DAB1: variants seen among roughly 807,000 people sequenced by gnomAD.
The protein encoded by DAB1 is disabled homolog 1.
DAB1 carries 15 observed loss-of-function variants against 64.6 expected under a neutral mutation model. The observed-to-expected ratio is 0.23, with a 90% CI of 0.16 to 0.36. The LOEUF is 0.36. Ranked by LOEUF, DAB1 falls within the 10% of genes least tolerant of loss-of-function variation. The pLI, the probability that DAB1 is intolerant of heterozygous loss-of-function variation, is 1.00. For missense variants in DAB1, 596 were observed against 706.7 expected (o/e 0.84, Z 1.78); for synonymous variants, 235 against 251.9 (o/e 0.93, Z 0.64).
intron 1 of DAB1, among the ~76,000 whole-genome samples, chr1:58,536,252 T>A (rs1646515316): frequency 6.6e-6 from 1 of 152,116 alleles, no homozygotes; most frequent in South Asian, 2.1e-4. Flanking sequence ...CCAGTCTGGA[T>A]AATCAAGGAA....
At chr1:58,063,246 G>A (rs1648618399) in intron 5 of DAB1, among the ~76,000 whole-genome samples, 1 of 152,148 alleles carries the variant, frequency 6.6e-6, no homozygotes, top group Non-Finnish European at 1.5e-5. Flanking sequence ...GTAAATAACA[G>A]AATGTTAAAA....
At chr1:57,540,630 AATCCTGTCATTTGCAT>A (rs925345776) in intron 7 of DAB1, among the ~76,000 whole-genome samples, 2 of 152,220 alleles carry the variant, frequency 1.3e-5, no homozygotes, top group African/African-American at 4.8e-5. Flanking sequence ...AAAAGAATAA[AATCCTGTCATTTGCAT>A]ATCCTGTCAT....
intron 3 of DAB1, among the ~76,000 whole-genome samples, chr1:58,415,179 T>A (rs1268648123): frequency 6.6e-6 from 1 of 152,062 alleles, no homozygotes; most frequent in Non-Finnish European, 1.5e-5. Context: ...GCATGCACCA[T>A]GTGAGAACAT....
intron 4 of DAB1, among the ~76,000 whole-genome samples, chr1:58,293,803 C>G (rs1339622020): frequency 6.6e-6 from 1 of 152,178 alleles, no homozygotes; most frequent in African/African-American, 2.4e-5. Context: ...CTTAGAAAGA[C>G]CCAAGACAAA....
At chr1:57,780,254 C>T (rs1018561062) in intron 6 of DAB1, among the ~76,000 whole-genome samples, 1 of 152,002 alleles carries the variant, frequency 6.6e-6, no homozygotes, top group African/African-American at 2.4e-5. Context: ...GTGTGCCATT[C>T]TTAACTATAC....
At chr1:58,288,566 T>G (rs1007162041) in intron 4 of DAB1, among the ~76,000 whole-genome samples, 1 of 152,234 alleles carries the variant, frequency 6.6e-6, no homozygotes, top group South Asian at 2.1e-4. Flanking sequence ...CCCAGCCATA[T>G]GTACACAGTC....
intron 3 of DAB1, among the ~76,000 whole-genome samples, chr1:58,409,642 T>C (rs559373394): frequency 6.6e-6 from 1 of 152,234 alleles, no homozygotes; most frequent in African/African-American, 2.4e-5. Flanking sequence ...CATGATTCTA[T>C]TCCCAGTTAC....
At chr1:58,306,045 G>A (rs867011459) in intron 4 of DAB1, among the ~76,000 whole-genome samples, 4 of 151,232 alleles carry the variant, frequency 2.6e-5, no homozygotes, top group Non-Finnish European at 4.4e-5. Flanking sequence ...GCCCTTCCAG[G>A]GCAGACACAC....
chr1:58,479,608 C>A (rs1411757234), intron 3 of DAB1, among the ~76,000 whole-genome samples: 1 of 152,142 alleles, frequency 6.6e-6, no homozygotes, highest in Non-Finnish European at 1.5e-5. Flanking sequence ...TAAAATCAAC[C>A]TACAGAAAAC....
chr1:57,635,765 C>A (rs1362803483), intron 7 of DAB1, among the ~76,000 whole-genome samples: 1 of 152,128 alleles, frequency 6.6e-6, no homozygotes, highest in Non-Finnish European at 1.5e-5. Context: ...GTCCCTGGTG[C>A]CAAAATGGTT....
chr1:58,099,189 C>T (rs181139850), intron 5 of DAB1, among the ~76,000 whole-genome samples: 145 of 152,292 alleles, frequency 9.5e-4, no homozygotes, highest in Admixed American at 8.1e-3. Context: ...TCCCTGGTCA[C>T]GAACCCCAGT....
chr1:57,020,657 C>T (rs569001174), intron 11 of DAB1, among the ~76,000 whole-genome samples: 1 of 152,288 alleles, frequency 6.6e-6, no homozygotes, highest in South Asian at 2.1e-4. Context: ...CTGTAGAAAT[C>T]AGAGTAATCA....
rs570595342 is a variant in DAB1 at position 57,329,244 on chromosome 1, G to A, written c.-136-38078C>T. Reference sequence around the variant, plus strand: ...AACTAATTAGTGCCGCAAGAGGAGCGGATCCCAGGCAGCCTGCTTTCCAGC... The same window carrying A: ...AACTAATTAGTGCCGCAAGAGGAGCAGATCCCAGGCAGCCTGCTTTCCAGC... On this transcript the variant is annotated intron_variant, in intron 1 of 14. Coordinates refer to ENST00000371236, the MANE Select transcript of DAB1 (RefSeq NM_001365792.1). Among the ~76,000 whole-genome samples the A allele has an allele frequency of 4.6e-5, 7 of 152,254 alleles. No individual in the cohort carries two copies. The South Asian group carries it at 1.0e-3, about 23-fold the overall frequency.
At chr1:57,700,471 C>T (rs1221072653) in intron 6 of DAB1, among the ~76,000 whole-genome samples, 2 of 152,106 alleles carry the variant, frequency 1.3e-5, no homozygotes, top group Admixed American at 6.6e-5. Context: ...TTTTGCTGTA[C>T]CTGCTGTGGA....
chr1:58,375,100 T>C (rs1242039220), intron 3 of DAB1, among the ~76,000 whole-genome samples: 1 of 147,568 alleles, frequency 6.8e-6, no homozygotes. Context: ...TGGGGTTTTC[T>C]AGATAAACAA....
intron 6 of DAB1, among the ~76,000 whole-genome samples, chr1:57,719,803 T>C (rs781040703): frequency 6.6e-6 from 1 of 152,228 alleles, no homozygotes; most frequent in African/African-American, 2.4e-5. Context: ...AGCGAACTAA[T>C]ACACTCAACC....
chr1:58,423,639 G>C (rs1644794066), intron 3 of DAB1, among the ~76,000 whole-genome samples: 1 of 152,152 alleles, frequency 6.6e-6, no homozygotes, highest in South Asian at 2.1e-4. Context: ...GAAAGAAGTG[G>C]GTGTTTCTGC....
intron 3 of DAB1, among the ~76,000 whole-genome samples, chr1:58,402,331 C>T (rs1379974880): frequency 6.6e-6 from 1 of 152,214 alleles, no homozygotes; most frequent in Non-Finnish European, 1.5e-5. Context: ...TCCCAACACC[C>T]CCTTACCCGC....
intron 2 of DAB1, among the ~76,000 whole-genome samples, chr1:57,182,204 C>T (rs1663041425): frequency 6.6e-6 from 1 of 152,190 alleles, no homozygotes; most frequent in African/African-American, 2.4e-5. Flanking sequence ...GTATTCAACA[C>T]ACTGACAGGC....
Sources: allele counts gnomAD v4.1 joint callset (sites outside exome capture counted in the v4.1 genomes callset), GRCh38; gene constraint gnomAD v4.1.1; transcripts MANE v1.5; gene names NCBI Gene and HGNC (gene_info 2026-07-23, HGNC 2026-07-21).